AP3S2: variants seen among roughly 807,000 people sequenced by gnomAD.
The protein encoded by AP3S2 is AP-3 complex subunit sigma-2.
In AP3S2, 22 loss-of-function variants were observed where a neutral mutation model predicts 23.4. The observed-to-expected ratio is 0.94, with a 90% CI of 0.67 to 1.34. AP3S2 has a LOEUF of 1.34. Among genes scored for constraint, AP3S2 ranks in the 40% most tolerant of loss-of-function variants. AP3S2 has a pLI of 0.00. For missense variants in AP3S2, 241 were observed against 236.9 expected, an observed-to-expected ratio of 1.02 and a Z score of -0.11; for synonymous variants, 86 against 87.1, an observed-to-expected ratio of 0.99 and a Z score of 0.07.
At chr15:89,889,813 G>A (rs1358580511) in intron 1 of AP3S2, among the ~76,000 whole-genome samples, 3 of 133,390 alleles carry the variant, frequency 2.2e-5, no homozygotes, top group East Asian at 2.3e-4. Flanking sequence ...ACAGTGAGCC[G>A]AGATCACGCC....
intron 3 of AP3S2, among the ~76,000 whole-genome samples, chr15:89,873,222 T>C (rs187805051): frequency 4.6e-5 from 7 of 152,194 alleles, no homozygotes; most frequent in Admixed American, 4.6e-4. Flanking sequence ...TTCCCTCCTT[T>C]CCACATTCCT....
intron 4 of AP3S2, among the ~76,000 whole-genome samples, chr15:89,860,832 G>A (rs921286647): frequency 6.6e-6 from 1 of 152,142 alleles, no homozygotes; most frequent in Non-Finnish European, 1.5e-5. Flanking sequence ...TCTTCTCTTA[G>A]GCACATCCAG....
At position 89,831,126 on chromosome 15, in the gene AP3S2, T is replaced by A. The variant is rs990998100; in HGVS notation, c.*4389A>T. On this transcript the variant is annotated 3_prime_UTR_variant, in exon 6 of 6. Coordinates refer to ENST00000336418, the MANE Select transcript of AP3S2 (RefSeq NM_005829.5). ...AAAGGAAAATTGAAATAGGAAAAAA[T>A]TTTAAGTCTTTTGGAAAGAATTAAT... 4 of 152,208 alleles carry A rather than the reference T, an allele frequency of 2.6e-5. No homozygotes were observed. The highest frequency in any genetic ancestry group is 9.7e-5 in the African/African-American group (4 of 41,448). The allele number at this position is 152,208 out of a possible 1,614,324, so 9.4% of individuals were successfully genotyped here.
In AP3S2 at chr15:89,832,130, T is replaced by C. The variant is rs1009987442; in HGVS notation, c.*3385A>G. On this transcript the variant is annotated 3_prime_UTR_variant, in exon 6 of 6. Coordinates refer to ENST00000336418, the MANE Select transcript of AP3S2 (RefSeq NM_005829.5). ...TAATGAAAGAATTTCAGATTTTTAT[T>C]AGTGGCAGTGAGCACTGAAAACCCA... 6.6e-6 allele frequency: 1 copy of C among 152,126 alleles called. No individual in the cohort carries two copies. The highest frequency in any genetic ancestry group is 2.4e-5 in the African/African-American group (1 of 41,416). 9.4% of individuals were successfully genotyped at this position (152,126 alleles called of 1,614,324 possible). A position where few individuals can be genotyped will look rare whatever the true frequency, so the allele number is the denominator to read the frequency against.
chr15:89,864,651 C>G (rs1259705637), intron 4 of AP3S2, among the ~76,000 whole-genome samples: 6 of 150,584 alleles, frequency 4.0e-5, no homozygotes, highest in African/African-American at 1.5e-4. Context: ...TCAAGTGATT[C>G]TCCTGCCTCA....
chr15:89,861,084 C>G (rs1320440853), intron 4 of AP3S2, among the ~76,000 whole-genome samples: 1 of 152,174 alleles, frequency 6.6e-6, no homozygotes, highest in Non-Finnish European at 1.5e-5. Context: ...AAGCTCTGTT[C>G]ACAGAAGGGA....
chr15:89,847,874 T>C (rs1180042220), intron 4 of AP3S2, among the ~76,000 whole-genome samples: 1 of 152,210 alleles, frequency 6.6e-6, no homozygotes, highest in East Asian at 1.9e-4. Context: ...TCCATAAAGC[T>C]ACCCAAAATG....
At chr15:89,870,793 C>T (rs374512889) in intron 4 of AP3S2, among the ~76,000 whole-genome samples, 6 of 152,180 alleles carry the variant, frequency 3.9e-5, no homozygotes, top group South Asian at 2.1e-4. Context: ...AAACCAAAGA[C>T]GCACCAGTAA....
intron 4 of AP3S2, among the ~76,000 whole-genome samples, chr15:89,842,218 A>G (rs1895345573): frequency 6.6e-6 from 1 of 152,190 alleles, no homozygotes; most frequent in South Asian, 2.1e-4. Context: ...AAATGAAACC[A>G]AAAAGGGCTA....
chr15:89,858,339 G>A (rs948797225), intron 4 of AP3S2, among the ~76,000 whole-genome samples: 4 of 152,002 alleles, frequency 2.6e-5, no homozygotes, highest in African/African-American at 9.7e-5. Flanking sequence ...TAGGCAGGAG[G>A]CTGATGCAGG....
rs1020371145 is a variant in AP3S2, at chr15:89,835,891, G to A, written c.454-248C>T. Among the ~76,000 whole-genome samples, 13 of 151,962 alleles carry A rather than the reference G, an allele frequency of 8.6e-5. 1 individual carries two copies. Among genetic ancestry groups the A allele is most frequent in the African/African-American group, 2.7e-4 (11 of 41,352 alleles). Reference sequence around the variant, plus strand: ...AAAAATACAAAAATTGGCCAGGAGTGGTGGCGGGCCCCTGTAGTCCCAGCT... The same window carrying A: ...AAAAATACAAAAATTGGCCAGGAGTAGTGGCGGGCCCCTGTAGTCCCAGCT... On this transcript the variant is annotated intron_variant, in intron 5 of 5. Coordinates refer to ENST00000336418, the MANE Select transcript of AP3S2 (RefSeq NM_005829.5).
chr15:89,893,192 A>G (rs1896859164), intron 1 of AP3S2: 2 of 152,276 alleles, frequency 1.3e-5, no homozygotes, highest in African/African-American at 2.4e-5. Flanking sequence ...CAGTCCCCCA[A>G]TTATGTAACA....
At chr15:89,835,701 T>C in intron 5 of AP3S2, 58 bp from the exon 6 acceptor site, 1 of 1,040,112 alleles carries the variant, frequency 9.6e-7, no homozygotes, top group Middle Eastern at 3.7e-4. Flanking sequence ...TGCTTAATGC[T>C]AAAAAAAAAA....
chr15:89,877,358 C>T (rs1162855829), intron 3 of AP3S2: 2 of 1,296,970 alleles, frequency 1.5e-6, no homozygotes, highest in Admixed American at 2.3e-5. Flanking sequence ...GGTCCTTGTT[C>T]CCAAAGAGCT....
intron 4 of AP3S2, among the ~76,000 whole-genome samples, chr15:89,860,603 C>T (rs1240018962): frequency 1.3e-5 from 2 of 152,132 alleles, no homozygotes; most frequent in Admixed American, 6.5e-5. Context: ...GTTGACTGTG[C>T]ATAACTGGAA....
At chr15:89,863,467 C>T (rs1358545350) in intron 4 of AP3S2, among the ~76,000 whole-genome samples, 1 of 151,626 alleles carries the variant, frequency 6.6e-6, no homozygotes, top group Non-Finnish European at 1.5e-5. Flanking sequence ...TGGTGTGTGT[C>T]GGGGAGAGAC....
At position 89,888,501 on chromosome 15, in the gene AP3S2, C is replaced by T. The variant is rs2141902663; in HGVS notation, c.273+20G>A. 1 of 1,611,788 alleles carries T rather than the reference C, an allele frequency of 6.2e-7. No individual in the cohort carries two copies. The highest frequency in any genetic ancestry group is 2.2e-5 in the East Asian group (1 of 44,876). On this transcript the variant is annotated intron_variant, in intron 3 of 5. Coordinates refer to ENST00000336418, the MANE Select transcript of AP3S2 (RefSeq NM_005829.5). ...GGAAACTCTCTAAAGCTGCTGCCAT[C>T]ATTAGCTGACTACACATACCTGGAT...
intron 4 of AP3S2, chr15:89,848,879 T>C (rs1183333479): frequency 1.3e-5 from 2 of 152,116 alleles, no homozygotes; most frequent in African/African-American, 2.4e-5. Flanking sequence ...ATTATACATT[T>C]TAGAAAGAAA....
intron 4 of AP3S2, 68 bp downstream of exon 4, chr15:89,871,407 C>A: frequency 6.8e-7 from 1 of 1,469,382 alleles, no homozygotes. Context: ...GTAGAGGTGG[C>A]TACAGATGCC....
Sources: allele counts gnomAD v4.1 joint callset (sites outside exome capture counted in the v4.1 genomes callset), GRCh38; gene constraint gnomAD v4.1.1; transcripts MANE v1.5; gene names NCBI Gene and HGNC (gene_info 2026-07-23, HGNC 2026-07-21).